ZEB2: variants seen among roughly 807,000 people sequenced by gnomAD.
ZEB2 encodes the protein zinc finger E-box-binding homeobox 2.
Under a neutral mutation model 99.9 loss-of-function variants are expected in ZEB2, and 6 were observed. That is an observed-to-expected ratio of 0.06 (90% CI 0.03 to 0.12). The LOEUF (loss-of-function observed/expected upper bound fraction) is 0.12. Ranked by LOEUF, ZEB2 falls within the 10% of genes least tolerant of loss-of-function variation. The pLI, the probability that ZEB2 is intolerant of heterozygous loss-of-function variation, is 1.00. For synonymous variants in ZEB2, 517 were observed against 542.5 expected, an observed-to-expected ratio of 0.95 and a Z score of 0.65; for missense variants, 969 against 1,502.8, an observed-to-expected ratio of 0.64 and a Z score of 5.87.
At chr2:144,393,984 T>G (rs556908660) in intron 9 of ZEB2, among the ~76,000 whole-genome samples, 1 of 152,282 alleles carries the variant, frequency 6.6e-6, no homozygotes, top group South Asian at 2.1e-4. Flanking sequence ...TGCAGTGGCC[T>G]TATCTTGGCT....
At chr2:144,438,370 G>C (rs986972807) in intron 2 of ZEB2, among the ~76,000 whole-genome samples, 1 of 152,138 alleles carries the variant, frequency 6.6e-6, no homozygotes, top group African/African-American at 2.4e-5. Context: ...AAGGTAGCAA[G>C]AGGTGTGGCT....
chr2:144,510,722 C>CTCTCTCTCTT (rs1705022426), intron 2 of ZEB2, among the ~76,000 whole-genome samples: 1 of 151,786 alleles, frequency 6.6e-6, no homozygotes, highest in African/African-American at 2.4e-5. Context: ...CTCTCTTTCT[C>CTCTCTCTCTT]TCTCTCTTTC....
intron 2 of ZEB2, among the ~76,000 whole-genome samples, chr2:144,440,081 G>A (rs1703885219): frequency 6.6e-6 from 1 of 152,096 alleles, no homozygotes; most frequent in East Asian, 1.9e-4. Context: ...TTTTGTAAAA[G>A]AACTTGTGTG....
chr2:144,415,895 C>T (rs1174801046), intron 4 of ZEB2, among the ~76,000 whole-genome samples: 1 of 152,174 alleles, frequency 6.6e-6, no homozygotes, highest in African/African-American at 2.4e-5. Flanking sequence ...TAGGACATTG[C>T]CTGTATACTG....
chr2:144,384,159 A>G lies in ZEB2; in HGVS notation c.*5292T>C, dbSNP rs1187830076. The G allele has an allele frequency of 6.6e-6, 1 of 152,210 alleles. No homozygotes were observed. Among genetic ancestry groups the G allele is most frequent in the East Asian group, 1.9e-4 (1 of 5,200 alleles). The allele number at this position is 152,210 out of a possible 1,614,324, so 9.4% of individuals were successfully genotyped here. A position where few individuals can be genotyped will look rare whatever the true frequency, so the allele number is the denominator to read the frequency against. ...CTAAAATTATTAGAATCTTTGTCAT[A>G]TTAATCTCAAGACCAAATCGGAACA... On this transcript the variant is annotated 3_prime_UTR_variant, in exon 10 of 10. Coordinates refer to ENST00000627532, the MANE Select transcript of ZEB2 (RefSeq NM_014795.4).
intron 2 of ZEB2, chr2:144,445,067 T>C (rs928710831): frequency 6.6e-6 from 1 of 152,202 alleles, no homozygotes; most frequent in African/African-American, 2.4e-5. Context: ...GCTGATGAGA[T>C]GGAAGCACTC....
chr2:144,450,239 G>A (rs529092476), intron 2 of ZEB2: 4 of 152,192 alleles, frequency 2.6e-5, no homozygotes, highest in East Asian at 1.9e-4. Context: ...CTGATGCAGC[G>A]ACAATTGACC....
intron 2 of ZEB2, chr2:144,448,836 G>GC (rs766252465): frequency 3.3e-5 from 5 of 152,350 alleles, no homozygotes; most frequent in Non-Finnish European, 7.3e-5. Flanking sequence ...CAGTGGCAAT[G>GC]CCAGCAAGCC....
In ZEB2 at chr2:144,392,385, C is replaced by T. The variant is rs1451223715; in HGVS notation, c.3068-2357G>A. ...GCATCCTCTGTTATAGGTTTCAAGG[C>T]CCGTTAGCAATGCTTCGGGCATGCC... On this transcript the variant is annotated intron_variant, in intron 9 of 9. Transcript: ENST00000627532. Among the ~76,000 whole-genome samples, 6 of 152,218 alleles carry T rather than the reference C, an allele frequency of 3.9e-5. No homozygotes were observed. The East Asian group carries it at 7.7e-4, about 20-fold the overall frequency.
chr2:144,460,808 A>G (rs979914698), intron 2 of ZEB2, among the ~76,000 whole-genome samples: 2 of 152,176 alleles, frequency 1.3e-5, no homozygotes, highest in African/African-American at 4.8e-5. Context: ...TTGCAGTTAC[A>G]AAAGAAACTG....
intron 2 of ZEB2, among the ~76,000 whole-genome samples, chr2:144,510,186 C>CT (rs1168929643): frequency 6.6e-6 from 1 of 151,816 alleles, no homozygotes; most frequent in South Asian, 2.1e-4. Context: ...TTCTTCTTGG[C>CT]TTTTTTCCCC....
intron 4 of ZEB2, among the ~76,000 whole-genome samples, chr2:144,412,005 T>TA (rs1289911708): frequency 6.6e-6 from 1 of 152,206 alleles, no homozygotes; most frequent in Non-Finnish European, 1.5e-5. Context: ...CACGGTGGCT[T>TA]ACGCCTGTAA....
At chr2:144,490,532 A>G (rs886447067) in intron 2 of ZEB2, among the ~76,000 whole-genome samples, 1 of 152,218 alleles carries the variant, frequency 6.6e-6, no homozygotes, top group African/African-American at 2.4e-5. Context: ...AATGACACTT[A>G]CTACTAACAC....
intron 9 of ZEB2, among the ~76,000 whole-genome samples, chr2:144,392,694 T>G (rs1317120462): frequency 1.3e-5 from 2 of 152,212 alleles, no homozygotes; most frequent in Non-Finnish European, 2.9e-5. Flanking sequence ...GTAACTGACT[T>G]GGACATTCAT....
intron 2 of ZEB2, among the ~76,000 whole-genome samples, chr2:144,467,052 G>A (rs1222485595): frequency 6.6e-6 from 1 of 151,844 alleles, no homozygotes; most frequent in Non-Finnish European, 1.5e-5. Context: ...ATAAGGAATG[G>A]TTTATTTTTC....
At chr2:144,420,098 C>G (rs963481949) in intron 4 of ZEB2, among the ~76,000 whole-genome samples, 2 of 152,194 alleles carry the variant, frequency 1.3e-5, no homozygotes, top group Non-Finnish European at 2.9e-5. Flanking sequence ...TTCATTGATT[C>G]ATTCATTCAT....
At chr2:144,486,432 A>C (rs957367522) in intron 2 of ZEB2, among the ~76,000 whole-genome samples, 2 of 151,998 alleles carry the variant, frequency 1.3e-5, no homozygotes, top group African/African-American at 2.4e-5. Flanking sequence ...AAATAAAAGA[A>C]TGGTCATTCA....
intron 2 of ZEB2, among the ~76,000 whole-genome samples, chr2:144,497,395 G>C (rs16823815): frequency 0.16 from 23,986 of 152,052 alleles, 2,262 homozygotes; most frequent in East Asian, 0.34. Context: ...GCACATAGTA[G>C]GTGTGTAATT....
intron 2 of ZEB2, among the ~76,000 whole-genome samples, chr2:144,489,686 A>T (rs1307299648): frequency 6.6e-6 from 1 of 152,252 alleles, no homozygotes; most frequent in Non-Finnish European, 1.5e-5. Context: ...AAAAATTTAC[A>T]GGATTCTTAA....
Sources: gnomAD v4.1 joint callset for allele counts (sites outside exome capture counted in the v4.1 genomes callset) on GRCh38, gnomAD v4.1.1 for gene constraint, MANE v1.5 for transcripts, NCBI Gene and HGNC (gene_info 2026-07-23, HGNC 2026-07-21) for gene names.